Variants in NLRP5 observed in about 807,000 individuals in gnomAD.
NLRP5 encodes NLR family pyrin domain containing 5, also known as NACHT, LRR and PYD domains-containing protein 5.
In NLRP5, 93 loss-of-function variants were observed where a neutral mutation model predicts 113.1. The observed-to-expected ratio is 0.82, with a 90% confidence interval of 0.70 to 0.98. The LOEUF is 0.98. Among genes scored for constraint, NLRP5 ranks in the 50% least tolerant of loss-of-function variants. The probability of loss-of-function intolerance (pLI) is 0.00; values close to 1 mark genes in which losing one functional copy is unlikely to be tolerated. For missense variants in NLRP5, 1,808 were observed against 1,514.3 expected (o/e 1.19, Z -3.22); for synonymous variants, 751 against 600.7 (o/e 1.25, Z -3.66).
rs200704861 is a variant in NLRP5, at chr19:56,027,990, G to C, written c.1757G>C (p.Ser586Thr). 261 of 1,613,974 alleles carry C rather than the reference G, an allele frequency of 1.6e-4. No homozygotes were observed. Among genetic ancestry groups the C allele is most frequent in the Admixed American group, 8.5e-4 (51 of 60,010 alleles). The change falls in exon 7 of 15, where the codon AGT (serine) becomes ACT (threonine). Residue 586 changes from serine to threonine, a missense_variant. Coordinates refer to ENST00000390649, the MANE Select transcript of NLRP5 (RefSeq NM_153447.4). The stretch of plus-strand genomic sequence containing the variant: ...GAGTACTACACCTTCTTCCACCTCA[G>C]TCTCCAGGACTTCTGTGCCGCCTTG...
At chr19:56,029,286 A>G (rs957564686) in intron 7 of NLRP5, among the ~76,000 whole-genome samples, 1 of 151,932 alleles carries the variant, frequency 6.6e-6, no homozygotes, top group Non-Finnish European at 1.5e-5. Flanking sequence ...TCTTTTTTTG[A>G]GACAGAGTCT....
intron 11 of NLRP5, among the ~76,000 whole-genome samples, chr19:56,043,458 G>A (rs563926829): frequency 6.8e-6 from 1 of 146,370 alleles, no homozygotes; most frequent in South Asian, 2.2e-4. Flanking sequence ...TTTTTTCTTG[G>A]ATTTGTTTGA....
the NLRP5 span, among the ~76,000 whole-genome samples, chr19:55,987,312 G>A: frequency 6.6e-6 from 1 of 152,236 alleles, no homozygotes; most frequent in Non-Finnish European, 1.5e-5. Context: ...AGAGGTTGCA[G>A]TGAGCCAAGG....
intron 13 of NLRP5, among the ~76,000 whole-genome samples, chr19:56,054,649 C>T (rs995262820): frequency 6.6e-6 from 1 of 151,444 alleles, no homozygotes; most frequent in Non-Finnish European, 1.5e-5. Context: ...AAGAAGCCAG[C>T]CACAAAAGGT....
chr19:55,990,100 T>TTA, the NLRP5 span, among the ~76,000 whole-genome samples: 2 of 101,356 alleles, frequency 2.0e-5, no homozygotes, highest in Non-Finnish European at 4.2e-5. Flanking sequence ...TTTTTTTTTT[T>TTA]TTTTTTTGAG....
chr19:56,056,522 A>C (rs1290831297), intron 13 of NLRP5, among the ~76,000 whole-genome samples: 1 of 151,972 alleles, frequency 6.6e-6, no homozygotes, highest in African/African-American at 2.4e-5. Flanking sequence ...GTGCCACTGC[A>C]CTCCAGCCTG....
chr19:56,040,611 A>G (rs1983485414), intron 10 of NLRP5, among the ~76,000 whole-genome samples: 1 of 152,162 alleles, frequency 6.6e-6, no homozygotes, highest in African/African-American at 2.4e-5. Flanking sequence ...TGGAAAAATT[A>G]CTCATTCCGG....
chr19:56,015,179 T>G (rs1982356482), intron 3 of NLRP5, among the ~76,000 whole-genome samples: 1 of 152,072 alleles, frequency 6.6e-6, no homozygotes, highest in South Asian at 2.1e-4. Context: ...AGTGGAGTGT[T>G]TGTTTTGTTT....
At position 56,013,484 on chromosome 19, in the gene NLRP5, G is replaced by A. The variant is rs116310059; in HGVS notation, c.509-2258G>A. 7.1e-3 allele frequency among the ~76,000 whole-genome samples: 1,075 copies of A among 150,992 alleles called. 12 individuals carry two copies. Among genetic ancestry groups the A allele is most frequent in the African/African-American group, 0.025 (1,023 of 41,134 alleles). Reference sequence around the variant, plus strand: ...TGGGATTTTAACATAATGTTTTAAAGATTTGTCAATATCATAGCCTGTCTC... The same window carrying A: ...TGGGATTTTAACATAATGTTTTAAAAATTTGTCAATATCATAGCCTGTCTC... On this transcript the variant is annotated intron_variant, in intron 3 of 14. Transcript: ENST00000390649.
chr19:56,032,034 G>A (rs1983135968), intron 7 of NLRP5, among the ~76,000 whole-genome samples: 1 of 152,064 alleles, frequency 6.6e-6, no homozygotes, highest in South Asian at 2.1e-4. Flanking sequence ...AAGTGGGGCT[G>A]GAATTGAAGC....
At position 56,027,718 on chromosome 19, in the gene NLRP5, C is replaced by A; in HGVS notation, c.1485C>A (p.Asn495Lys). ...TGGGGGAGAGCGTCGCCCCCTTCAACCAAACGCTCACAGGCCTGCACGCCG... is the reference window on the plus strand; with the variant it reads ...TGGGGGAGAGCGTCGCCCCCTTCAAACAAACGCTCACAGGCCTGCACGCCG... The change falls in exon 7 of 15, where the codon AAC (asparagine) becomes AAA (lysine). Residue 495 changes from asparagine to lysine, a missense_variant. Coordinates refer to ENST00000390649, the MANE Select transcript of NLRP5 (RefSeq NM_153447.4). 6.2e-7 allele frequency: 1 copy of A among 1,613,564 alleles called. No individual in the cohort carries two copies. Among genetic ancestry groups the A allele is most frequent in the Non-Finnish European group, 8.5e-7 (1 of 1,179,824 alleles).
intron 7 of NLRP5, 137 bp from the exon 8 acceptor site, chr19:56,032,474 C>T (rs113791487): frequency 2.5e-5 from 16 of 634,678 alleles, no homozygotes; most frequent in South Asian, 8.9e-5. Flanking sequence ...TGATGGCAGC[C>T]GCTAAGTTGC....
In NLRP5 at chr19:56,061,638, T is replaced by A; in HGVS notation, c.*110T>A. 1 of 1,210,806 alleles carries A rather than the reference T, an allele frequency of 8.3e-7. No individual in the cohort carries two copies. Among genetic ancestry groups the A allele is most frequent in the Non-Finnish European group, 1.2e-6 (1 of 837,600 alleles). 75.0% of individuals were successfully genotyped at this position (1,210,806 alleles called of 1,614,324 possible). A position where few individuals can be genotyped will look rare whatever the true frequency, so the allele number is the denominator to read the frequency against. On this transcript the variant is annotated 3_prime_UTR_variant, in exon 15 of 15. Coordinates refer to ENST00000390649, the MANE Select transcript of NLRP5 (RefSeq NM_153447.4). ...GTTCCTTCTCAAAGATGGAGAATGATTTCTGATTCTCACAAAGCCCTCAAT... is the reference window on the plus strand; with the variant it reads ...GTTCCTTCTCAAAGATGGAGAATGAATTCTGATTCTCACAAAGCCCTCAAT...
upstream of NLRP5, among the ~76,000 whole-genome samples, chr19:55,996,460 T>C (rs536964298): frequency 6.6e-6 from 1 of 152,278 alleles, no homozygotes; most frequent in Non-Finnish European, 1.5e-5. Flanking sequence ...CATTAACTCA[T>C]CATTTACATT....
At chr19:56,042,861 A>G (rs920843540) in intron 11 of NLRP5, among the ~76,000 whole-genome samples, 2 of 152,206 alleles carry the variant, frequency 1.3e-5, no homozygotes, top group African/African-American at 2.4e-5. Flanking sequence ...TTGGTTTTCC[A>G]TTCCTGAGTT....
intron 9 of NLRP5, among the ~76,000 whole-genome samples, chr19:56,037,278 C>T (rs1983352024): frequency 6.6e-6 from 1 of 152,098 alleles, no homozygotes; most frequent in Admixed American, 6.6e-5. Context: ...CCTTTGTGTA[C>T]CAGGCACCGT....
At chr19:56,013,211 G>T (rs1982266679) in intron 3 of NLRP5, among the ~76,000 whole-genome samples, 1 of 151,928 alleles carries the variant, frequency 6.6e-6, no homozygotes, top group Non-Finnish European at 1.5e-5. Context: ...TTTTTGTTTT[G>T]AGATGGAGTC....
chr19:56,042,685 T>C (rs1278050248), intron 11 of NLRP5, among the ~76,000 whole-genome samples: 1 of 152,172 alleles, frequency 6.6e-6, no homozygotes, highest in Non-Finnish European at 1.5e-5. Flanking sequence ...TGTGATATTT[T>C]GGTGCACCCA....
At chr19:56,019,258 T>C (rs1299229112) in intron 4 of NLRP5, 84 bp from the exon 5 acceptor site, 2 of 1,440,154 alleles carry the variant, frequency 1.4e-6, no homozygotes, top group Admixed American at 1.9e-5. Context: ...AAATATGGCA[T>C]GACTAAGCTT....
Sources: gnomAD v4.1 joint callset for allele counts (sites outside exome capture counted in the v4.1 genomes callset) on GRCh38, gnomAD v4.1.1 for gene constraint, MANE v1.5 for transcripts, NCBI Gene and HGNC (gene_info 2026-07-23, HGNC 2026-07-21) for gene names.